Variants in PRSS48 observed in about 807,000 individuals in gnomAD.
PRSS48 encodes epidermis-specific serine protease-like protein.
PRSS48 carries 21 observed loss-of-function variants against 25.6 expected under a neutral mutation model. The ratio of observed to expected loss-of-function variants is 0.82; its 90% CI spans 0.58 to 1.18. The LOEUF (loss-of-function observed/expected upper bound fraction) is 1.18, where lower values mean the gene tolerates loss of function less well. Ranked by LOEUF, PRSS48 falls within the 50% of genes most tolerant of loss-of-function variation. The pLI is 0.00. For synonymous variants in PRSS48, 150 were observed against 149.3 expected, an observed-to-expected ratio of 1.00 and a Z score of -0.04; for missense variants, 373 against 399.3, an observed-to-expected ratio of 0.93 and a Z score of 0.56.
intron 1 of PRSS48, chr4:151,279,205 G>T: frequency 3.9e-6 from 1 of 254,988 alleles, no homozygotes; most frequent in Non-Finnish European, 7.6e-6. Context: ...AGAGAAAGAA[G>T]AGAAAGAGAA....
exon 1 of PRSS48, chr4:151,277,194 T>C: frequency 6.7e-7 from 1 of 1,499,392 alleles, no homozygotes; most frequent in Non-Finnish European, 9.0e-7. Flanking sequence ...TGGCTGTGCC[T>C]TCACGCTGCT....
rs544462228 is a variant in PRSS48, at chr4:151,283,225, C to T, written c.590C>T (p.Pro197Leu). Reference sequence around the variant, plus strand: ...GGTATCTTCTTGCCAGCACTGGAGCCAGTCATCAAGGAAGACAAGATTTGT... The same window carrying T: ...GGTATCTTCTTGCCAGCACTGGAGCTAGTCATCAAGGAAGACAAGATTTGT... Residue 197 changes from proline (P) to leucine (L), a missense_variant, in exon 4 of 5, where the codon CCA (proline) becomes CTA (leucine). Physicochemically the swap from Pro to Leu is moderately conservative, Grantham distance 98 (BLOSUM62 -3). Coordinates refer to ENST00000455694, the Ensembl canonical transcript of PRSS48. 51 of 1,613,816 alleles carry T rather than the reference C, an allele frequency of 3.2e-5. No individual in the cohort carries two copies. The South Asian group carries it at 5.1e-4, about 16-fold the overall frequency.
exon 5 of PRSS48, chr4:151,291,443 G>A: frequency 6.2e-7 from 1 of 1,607,066 alleles, no homozygotes. Context: ...TTTAGTCCCA[G>A]GGGCAGATAA....
At chr4:151,281,141 C>G (rs891355675) in intron 2 of PRSS48, among the ~76,000 whole-genome samples, 1 of 152,068 alleles carries the variant, frequency 6.6e-6, no homozygotes, top group African/African-American at 2.4e-5. Flanking sequence ...CAGATTAGAA[C>G]AAGAGAGCAG....
At chr4:151,281,896 C>T (rs1456796259) in intron 2 of PRSS48, among the ~76,000 whole-genome samples, 4 of 151,668 alleles carry the variant, frequency 2.6e-5, no homozygotes, top group East Asian at 1.9e-4. Context: ...ATGAGAGAAC[C>T]GGAGAGAAAA....
intron 4 of PRSS48, among the ~76,000 whole-genome samples, chr4:151,284,841 T>A (rs1235861260): frequency 6.6e-6 from 1 of 152,222 alleles, no homozygotes; most frequent in East Asian, 1.9e-4. Flanking sequence ...TAGCCTTAGC[T>A]GAGCTGCTTG....
At chr4:151,282,338 C>A (rs916874734) in exon 3 of PRSS48, 1 of 1,613,920 alleles carries the variant, frequency 6.2e-7, no homozygotes, top group African/African-American at 1.3e-5. Context: ...TATTTGCTTG[C>A]CCAGTGTCAC....
intron 4 of PRSS48, among the ~76,000 whole-genome samples, chr4:151,287,733 A>G (rs908110518): frequency 4.6e-5 from 7 of 152,120 alleles, no homozygotes; most frequent in Non-Finnish European, 7.4e-5. Context: ...CGTTTCTACA[A>G]AATATTTTAA....
chr4:151,291,355 C>A, exon 5 of PRSS48: 1 of 1,613,952 alleles, frequency 6.2e-7, no homozygotes, highest in Non-Finnish European at 8.5e-7. Flanking sequence ...TGCCTTTGGA[C>A]CTAACACTAT....
At chr4:151,291,008 C>A in intron 4 of PRSS48, 110 bp from the exon 5 acceptor site, 1 of 757,234 alleles carries the variant, frequency 1.3e-6, no homozygotes, top group Non-Finnish European at 2.1e-6. Context: ...CAGGGTTCCA[C>A]AGCTCCATGG....
At chr4:151,279,477 G>A (rs1773976426) in intron 1 of PRSS48, among the ~76,000 whole-genome samples, 1 of 152,152 alleles carries the variant, frequency 6.6e-6, no homozygotes, top group South Asian at 2.1e-4. Context: ...ACACCAATCT[G>A]GAAAATTTAA....
intron 3 of PRSS48, 82 bp downstream of exon 3, chr4:151,282,495 C>T (rs972836987): frequency 7.0e-7 from 1 of 1,423,352 alleles, no homozygotes; most frequent in South Asian, 1.3e-5. Context: ...CATATCCTTA[C>T]CATGGAAAAT....
At chr4:151,283,074 T>TCC in intron 3 of PRSS48, 43 bp from the exon 4 acceptor site, 1 of 1,599,408 alleles carries the variant, frequency 6.3e-7, no homozygotes, top group Non-Finnish European at 8.6e-7. Flanking sequence ...CCCCTGCACT[T>TCC]TTCTAGGTTG....
rs555931253 is a variant in PRSS48 at position 151,278,953 on chromosome 4, T to C, written c.53-843T>C. On this transcript the variant is annotated intron_variant, in intron 1 of 4. Transcript: ENST00000455694. ...CAGTCAATCTTACCACTTTCATTTG[T>C]CTATTGGTTCATTTATGTAGTCATG... 1.8e-4 allele frequency: 38 copies of C among 215,304 alleles called. No homozygotes were observed. The Admixed American group carries it at 1.9e-3, about 11-fold the overall frequency. 13.3% of individuals were successfully genotyped at this position (215,304 alleles called of 1,614,324 possible).
intron 4 of PRSS48, among the ~76,000 whole-genome samples, chr4:151,290,696 C>G (rs777212576): frequency 4.0e-5 from 6 of 151,896 alleles, no homozygotes; most frequent in Non-Finnish European, 8.8e-5. Flanking sequence ...AAAGCTGTTA[C>G]AAAAAAGAAA....
exon 3 of PRSS48, chr4:151,282,341 A>G: frequency 1.9e-6 from 3 of 1,613,924 alleles, no homozygotes; most frequent in Non-Finnish European, 2.5e-6. Flanking sequence ...TTGCTTGCCC[A>G]GTGTCACAAA....
At chr4:151,280,077 G>C (rs1428378483) in intron 2 of PRSS48, 119 bp downstream of exon 2, 1 of 1,217,588 alleles carries the variant, frequency 8.2e-7, no homozygotes. Flanking sequence ...AGGAAACCCA[G>C]GTCATGTCAG....
intron 4 of PRSS48, among the ~76,000 whole-genome samples, chr4:151,286,680 A>G (rs1774822580): frequency 6.6e-6 from 1 of 151,436 alleles, no homozygotes; most frequent in Non-Finnish European, 1.5e-5. Context: ...AAACATTTAA[A>G]TAATTAATCC....
chr4:151,282,669 T>C (rs1410026320), intron 3 of PRSS48, among the ~76,000 whole-genome samples: 1 of 152,218 alleles, frequency 6.6e-6, no homozygotes, highest in Non-Finnish European at 1.5e-5. Context: ...TAACTACCTC[T>C]CTCAAACAGA....
Sources: gnomAD v4.1 joint callset for allele counts (sites outside exome capture counted in the v4.1 genomes callset) on GRCh38, gnomAD v4.1.1 for gene constraint, MANE v1.5 for transcripts, NCBI Gene and HGNC (gene_info 2026-07-23, HGNC 2026-07-21) for gene names.